PNPLA7: variants seen among roughly 807,000 people sequenced by gnomAD.
PNPLA7 encodes patatin like domain 7, lysophospholipase.
Under a neutral mutation model 161.7 loss-of-function variants are expected in PNPLA7, and 153 were observed. The ratio of observed to expected loss-of-function variants is 0.95; its 90% CI spans 0.83 to 1.08. The LOEUF (loss-of-function observed/expected upper bound fraction) is 1.08. Ranked by LOEUF, PNPLA7 falls within the 50% of genes least tolerant of loss-of-function variation. The probability of loss-of-function intolerance (pLI) is 0.00; values close to 1 mark genes in which losing one functional copy is unlikely to be tolerated. For synonymous variants in PNPLA7, 809 were observed against 782.1 expected, an observed-to-expected ratio of 1.03 and a Z score of -0.57; for missense variants, 1,739 against 1,856.6, an observed-to-expected ratio of 0.94 and a Z score of 1.16.
chr9:137,464,034 C>T, intron 28 of PNPLA7, 92 bp downstream of exon 28: 1 of 1,381,346 alleles, frequency 7.2e-7, no homozygotes, highest in Non-Finnish European at 9.9e-7. Flanking sequence ...TTCAGGAGAC[C>T]CCGCGGCCTT....
In PNPLA7 at chr9:137,460,381, T is replaced by A. The variant is rs1164185904; in HGVS notation, c.*12A>T. 6.2e-7 allele frequency: 1 copy of A among 1,610,696 alleles called. No individual in the cohort carries two copies. Among genetic ancestry groups the A allele is most frequent in the Admixed American group, 1.7e-5 (1 of 59,938 alleles). ...CGGAAGACGCTGCATCCGGGCTCTT[T>A]AGCAGAGGCCTCTACCCGTCCTGGT... On this transcript the variant is annotated 3_prime_UTR_variant, in exon 35 of 35. Transcript: ENST00000406427.
chr9:137,521,321 G>A (rs1288309449), intron 10 of PNPLA7, among the ~76,000 whole-genome samples: 1 of 152,240 alleles, frequency 6.6e-6, no homozygotes, highest in Non-Finnish European at 1.5e-5. Flanking sequence ...TCACAACCGT[G>A]TGGGCCTCCA....
chr9:137,491,037 A>T (rs1832736658), intron 20 of PNPLA7, among the ~76,000 whole-genome samples: 1 of 152,260 alleles, frequency 6.6e-6, no homozygotes, highest in Non-Finnish European at 1.5e-5. Flanking sequence ...ACATGAAGAG[A>T]CATCATGGAA....
At chr9:137,501,554 C>T in intron 15 of PNPLA7, 96 bp downstream of exon 15, 1 of 1,201,086 alleles carries the variant, frequency 8.3e-7, no homozygotes, top group Non-Finnish European at 1.2e-6. Context: ...GGTCCCCAGT[C>T]ACTGGTGTCC....
At chr9:137,497,385 C>A in intron 17 of PNPLA7, 75 bp from the exon 18 acceptor site, 1 of 1,346,510 alleles carries the variant, frequency 7.4e-7, no homozygotes. Context: ...CAATGCCAGA[C>A]AGACTCAGGA....
At chr9:137,478,982 G>A in intron 24 of PNPLA7, 74 bp downstream of exon 24, 1 of 1,449,906 alleles carries the variant, frequency 6.9e-7, no homozygotes. Flanking sequence ...GGTGGGGAAT[G>A]TGAAGAATGC....
At chr9:137,491,914 G>C in intron 20 of PNPLA7, 1 of 985,464 alleles carries the variant, frequency 1.0e-6, no homozygotes, top group Non-Finnish European at 1.2e-6. Context: ...TGGGCGGATG[G>C]GGAGGCCAGG....
At chr9:137,521,833 G>A (rs933160752) in intron 9 of PNPLA7, 117 bp from the exon 10 acceptor site, 7 of 786,120 alleles carry the variant, frequency 8.9e-6, no homozygotes, top group Middle Eastern at 2.8e-4. Flanking sequence ...GCCACAGACC[G>A]AACCCTCTCA....
chr9:137,510,114 C>T (rs1348324966), intron 12 of PNPLA7, among the ~76,000 whole-genome samples: 6 of 152,206 alleles, frequency 3.9e-5, no homozygotes, highest in African/African-American at 1.2e-4. Flanking sequence ...GGAAGACGCC[C>T]GTTACCAGGC....
chr9:137,475,612 G>A lies in PNPLA7; in HGVS notation c.2882+2422C>T, dbSNP rs555093654. ...GCTGCTCTCAAACTCCTGACCTTGT[G>A]ATCTGCCCACCTTGGCCTCCCAAAG... On this transcript the variant is annotated intron_variant, in intron 25 of 34. Transcript: ENST00000406427. Among the ~76,000 whole-genome samples the A allele has an allele frequency of 4.0e-5, 6 of 151,836 alleles. No individual in the cohort carries two copies. In the East Asian group the frequency reaches 1.2e-3, roughly 30 times the overall value.
intron 8 of PNPLA7, among the ~76,000 whole-genome samples, chr9:137,532,896 A>G (rs1021064986): frequency 1.3e-5 from 2 of 152,194 alleles, no homozygotes; most frequent in African/African-American, 4.8e-5. Context: ...TGTCCACTCC[A>G]GACGGGAGCA....
chr9:137,507,043 C>A (rs1423400128), intron 12 of PNPLA7, among the ~76,000 whole-genome samples: 1 of 152,242 alleles, frequency 6.6e-6, no homozygotes, highest in Non-Finnish European at 1.5e-5. Flanking sequence ...ATGTGCCCCT[C>A]CCTGGGAAGC....
chr9:137,473,761 A>G (rs1038627558), intron 25 of PNPLA7, among the ~76,000 whole-genome samples: 2 of 152,240 alleles, frequency 1.3e-5, no homozygotes, highest in Admixed American at 1.3e-4. Flanking sequence ...ACACCACTGC[A>G]GACCATTAGA....
At chr9:137,469,280 A>G (rs1249908208) in intron 25 of PNPLA7, among the ~76,000 whole-genome samples, 1 of 152,212 alleles carries the variant, frequency 6.6e-6, no homozygotes, top group African/African-American at 2.4e-5. Flanking sequence ...ATATGTAACA[A>G]TATTGTTTTA....
At position 137,541,228 on chromosome 9, in the gene PNPLA7, C is replaced by T. The variant is rs1836184037; in HGVS notation, c.667-506G>A. On this transcript the variant is annotated intron_variant, in intron 7 of 34. Coordinates refer to ENST00000406427, the MANE Select transcript of PNPLA7 (RefSeq NM_001098537.3). This position sits in a 1 kb window ranked among gnomAD's most constrained non-coding sequence, Gnocchi z 4.4. ...GCCCCAGTCCCCTCCATGAGCCCCT[C>T]CCATCTAGTCCAAAGGCCAGAGGGA... 6.6e-6 allele frequency among the ~76,000 whole-genome samples: 1 copy of T among 152,198 alleles called. No individual in the cohort carries two copies. Among genetic ancestry groups the T allele is most frequent in the South Asian group, 2.1e-4 (1 of 4,836 alleles).
At chr9:137,506,659 TTGC>T (rs930961447) in intron 12 of PNPLA7, among the ~76,000 whole-genome samples, 1 of 152,150 alleles carries the variant, frequency 6.6e-6, no homozygotes, top group East Asian at 1.9e-4. Context: ...AGCTCCCCTG[TTGC>T]TGCTTTTGGG....
intron 25 of PNPLA7, among the ~76,000 whole-genome samples, chr9:137,470,315 C>T (rs981209613): frequency 2.2e-4 from 34 of 152,182 alleles, no homozygotes; most frequent in South Asian, 6.2e-4. Context: ...CGCGCCTGGC[C>T]TCTTGGAAGG....
At position 137,474,804 on chromosome 9, in the gene PNPLA7, A is replaced by G. The variant is rs184564662; in HGVS notation, c.2882+3230T>C. Among the ~76,000 whole-genome samples, 1,408 of 149,550 alleles carry G rather than the reference A, an allele frequency of 9.4e-3. 26 individuals carry two copies. The highest frequency in any genetic ancestry group is 0.033 in the African/African-American group (1,335 of 40,442). ...AAGGCAGGCGGATCACGAGGTCAGGAGATCGAGCCCATCCTGGTTAACACA... is the reference window on the plus strand; with the variant it reads ...AAGGCAGGCGGATCACGAGGTCAGGGGATCGAGCCCATCCTGGTTAACACA... On this transcript the variant is annotated intron_variant, in intron 25 of 34. Transcript: ENST00000406427.
intron 23 of PNPLA7, chr9:137,479,575 A>G: frequency 9.4e-7 from 1 of 1,058,406 alleles, no homozygotes; most frequent in Non-Finnish European, 1.1e-6. Context: ...CACTAGCTGC[A>G]GAACAGGAAC....
Sources: allele counts gnomAD v4.1 joint callset (sites outside exome capture counted in the v4.1 genomes callset), GRCh38; gene constraint gnomAD v4.1.1; non-coding constraint Gnocchi (gnomAD v3.1); transcripts MANE v1.5; gene names NCBI Gene and HGNC (gene_info 2026-07-23, HGNC 2026-07-21).